Variants in MAGI2 observed in about 807,000 individuals in gnomAD.
MAGI2 encodes membrane-associated guanylate kinase, WW and PDZ domain-containing protein 2.
A neutral mutation model predicts 133.3 loss-of-function variants in MAGI2; 35 were observed. That is an observed-to-expected ratio of 0.26 (90% CI 0.20 to 0.35). The LOEUF (loss-of-function observed/expected upper bound fraction) is 0.35, where lower values mean the gene tolerates loss of function less well. Among genes scored for constraint, MAGI2 ranks in the 10% least tolerant of loss-of-function variants. The pLI is 1.00. For synonymous variants in MAGI2, 729 were observed against 710.6 expected, an observed-to-expected ratio of 1.03 and a Z score of -0.41; for missense variants, 1,636 against 1,863.4, an observed-to-expected ratio of 0.88 and a Z score of 2.25.
intron 1 of MAGI2, among the ~76,000 whole-genome samples, chr7:79,173,232 T>C (rs1017167624): frequency 2.6e-5 from 4 of 152,020 alleles, no homozygotes; most frequent in African/African-American, 9.7e-5. Context: ...TTAAGAAACA[T>C]TGCTAATACT....
intron 6 of MAGI2, among the ~76,000 whole-genome samples, chr7:78,404,438 C>A (rs1189769063): frequency 6.6e-6 from 1 of 152,054 alleles, no homozygotes; most frequent in African/African-American, 2.4e-5. Context: ...GCAACAGTAA[C>A]CAAAACAGCG....
At chr7:78,322,569 A>C (rs983365691) in intron 9 of MAGI2, among the ~76,000 whole-genome samples, 1 of 152,176 alleles carries the variant, frequency 6.6e-6, no homozygotes, top group African/African-American at 2.4e-5. Context: ...ACGAGAACAC[A>C]TGGACACAGG....
chr7:79,377,347 G>A (rs147996304), intron 1 of MAGI2, among the ~76,000 whole-genome samples: 3 of 151,920 alleles, frequency 2.0e-5, no homozygotes, highest in Admixed American at 1.3e-4. Context: ...CTACACGGTA[G>A]TCTTGTGAAA....
chr7:78,831,406 C>T (rs981072549), intron 2 of MAGI2, among the ~76,000 whole-genome samples: 2 of 145,840 alleles, frequency 1.4e-5, no homozygotes, highest in Non-Finnish European at 1.5e-5. Flanking sequence ...TTAAAATTAT[C>T]TTTTTTTTTT....
In MAGI2 at chr7:79,304,863, A is replaced by T. The variant is rs533406490; in HGVS notation, c.301+148157T>A. ...GCATTAAATAGTCACACTCCTGTAC[A>T]CCTGAGCCATGTGGTTAGGGAATGT... On this transcript the variant is annotated intron_variant, in intron 1 of 21. Coordinates refer to ENST00000354212, the MANE Select transcript of MAGI2 (RefSeq NM_012301.4). Among the ~76,000 whole-genome samples, 27 of 152,266 alleles carry T rather than the reference A, an allele frequency of 1.8e-4. No individual in the cohort carries two copies. In the East Asian group the frequency reaches 4.5e-3, roughly 25 times the overall value.
intron 2 of MAGI2, among the ~76,000 whole-genome samples, chr7:78,697,658 C>A (rs573487000): frequency 6.6e-6 from 1 of 152,242 alleles, no homozygotes; most frequent in African/African-American, 2.4e-5. Context: ...TCTCGTAGAG[C>A]AAATGTCTTT....
At chr7:79,063,307 A>G (rs1306462386) in intron 1 of MAGI2, among the ~76,000 whole-genome samples, 5 of 152,140 alleles carry the variant, frequency 3.3e-5, no homozygotes, top group Admixed American at 3.3e-4. Context: ...CTGCAGCTAC[A>G]GAAAACCTTT....
chr7:79,201,523 C>T (rs561638909), intron 1 of MAGI2, among the ~76,000 whole-genome samples: 2 of 151,532 alleles, frequency 1.3e-5, no homozygotes, highest in East Asian at 1.9e-4. Context: ...TTTTGTTTTG[C>T]TTTTTGTTTG....
At chr7:78,566,428 A>G (rs1800950384) in intron 3 of MAGI2, among the ~76,000 whole-genome samples, 2 of 152,032 alleles carry the variant, frequency 1.3e-5, no homozygotes, top group South Asian at 2.1e-4. Flanking sequence ...TATGCCAACA[A>G]GATTGATCTG....
intron 13 of MAGI2, among the ~76,000 whole-genome samples, chr7:78,183,945 G>A (rs1181862259): frequency 6.6e-6 from 1 of 152,204 alleles, no homozygotes; most frequent in Non-Finnish European, 1.5e-5. Context: ...CAACTATTTG[G>A]ATTGGTTCTT....
rs568717127 is a variant in MAGI2 at position 79,346,174 on chromosome 7, C to T, written c.301+106846G>A. The stretch of plus-strand genomic sequence containing the variant: ...TTCGGGCCTAATTAGTAAAAAGAAG[C>T]CATCATTATTGTTTTCATTTTCTTA... On this transcript the variant is annotated intron_variant, in intron 1 of 21. Transcript: ENST00000354212. Among the ~76,000 whole-genome samples, 3 of 151,984 alleles carry T rather than the reference C, an allele frequency of 2.0e-5. No individual in the cohort carries two copies. In the East Asian group the frequency reaches 5.8e-4, roughly 29 times the overall value.
At chr7:79,144,899 C>A (rs73369391) in intron 1 of MAGI2, among the ~76,000 whole-genome samples, 1 of 152,088 alleles carries the variant, frequency 6.6e-6, no homozygotes, top group South Asian at 2.1e-4. Flanking sequence ...GTGAATATTA[C>A]GGGTGACAAT....
intron 3 of MAGI2, among the ~76,000 whole-genome samples, chr7:78,582,200 G>A (rs994677646): frequency 6.6e-6 from 1 of 152,134 alleles, no homozygotes; most frequent in Non-Finnish European, 1.5e-5. Flanking sequence ...TTTTGAAAAT[G>A]GCTTGGTTTT....
At chr7:79,062,614 G>T (rs1813864612) in intron 1 of MAGI2, among the ~76,000 whole-genome samples, 1 of 152,076 alleles carries the variant, frequency 6.6e-6, no homozygotes, top group South Asian at 2.1e-4. Flanking sequence ...ACCTAAAACT[G>T]CTTTAAACAT....
chr7:79,187,790 T>C (rs1389337426), intron 1 of MAGI2, among the ~76,000 whole-genome samples: 7 of 151,958 alleles, frequency 4.6e-5, no homozygotes, highest in African/African-American at 1.4e-4. Flanking sequence ...AACACACATA[T>C]TTTGTCATTT....
In MAGI2 at chr7:79,430,610, A is replaced by G. The variant is rs143589367; in HGVS notation, c.301+22410T>C. Among the ~76,000 whole-genome samples, 46 of 152,332 alleles carry G rather than the reference A, an allele frequency of 3.0e-4. No individual in the cohort carries two copies. The East Asian group carries it at 7.9e-3, about 26-fold the overall frequency. On this transcript the variant is annotated intron_variant, in intron 1 of 21. Coordinates refer to ENST00000354212, the MANE Select transcript of MAGI2 (RefSeq NM_012301.4). ...GGGAGCACCAAGCACGGATTACACA[A>G]AAATTACCTAATCATCTCCAAAACC...
intron 9 of MAGI2, among the ~76,000 whole-genome samples, chr7:78,308,861 A>G (rs947047157): frequency 2.0e-5 from 3 of 152,276 alleles, no homozygotes; most frequent in African/African-American, 7.2e-5. Flanking sequence ...GACATAATAC[A>G]TAGTTTATCT....
chr7:78,643,978 A>T (rs1199918635), intron 2 of MAGI2, among the ~76,000 whole-genome samples: 1 of 152,178 alleles, frequency 6.6e-6, no homozygotes, highest in African/African-American at 2.4e-5. Context: ...AAAAAAAGTT[A>T]GAAGTAAAAT....
At chr7:78,731,861 C>T (rs938145683) in intron 2 of MAGI2, among the ~76,000 whole-genome samples, 2 of 152,144 alleles carry the variant, frequency 1.3e-5, no homozygotes, top group Non-Finnish European at 2.9e-5. Context: ...AAAAGTCATA[C>T]ACCTTCTTCT....
Sources: gnomAD v4.1 joint callset for allele counts (sites outside exome capture counted in the v4.1 genomes callset) on GRCh38, gnomAD v4.1.1 for gene constraint, MANE v1.5 for transcripts, NCBI Gene and HGNC (gene_info 2026-07-23, HGNC 2026-07-21) for gene names.